The following PARP15 variants were observed in gnomAD, a reference collection of about 807,000 sequenced individuals.
The protein encoded by PARP15 is poly(ADP-ribose) polymerase family member 15.
A neutral mutation model predicts 62.1 loss-of-function variants in PARP15; 50 were observed. That is an observed-to-expected ratio of 0.81 (90% CI 0.64 to 1.02). The LOEUF (loss-of-function observed/expected upper bound fraction) is 1.02, where lower values mean the gene tolerates loss of function less well. Among genes scored for constraint, PARP15 ranks in the 50% least tolerant of loss-of-function variants. The pLI, the probability that PARP15 is intolerant of heterozygous loss-of-function variation, is 0.00. For missense variants in PARP15, 820 were observed against 826.5 expected (o/e 0.99, Z 0.10); for synonymous variants, 309 against 293.1 (o/e 1.05, Z -0.55).
In PARP15 at chr3:122,577,845, C is replaced by T. The variant is rs1329446282; in HGVS notation, c.178C>T (p.Arg60Trp). 1 of 1,548,488 alleles carries T rather than the reference C, an allele frequency of 6.5e-7. No individual in the cohort carries two copies. Among genetic ancestry groups the T allele is most frequent in the Non-Finnish European group, 8.7e-7 (1 of 1,145,298 alleles). ...GAAGGCCTCCCGGCGCTCTTCCTCC[C>T]GGAGTATGGTGAGGAGCGCGGGGGA... Reference protein sequence around the residue: ...ARKASRRSSSRSMSRDNKFSK... With the variant: ...ARKASRRSSSWSMSRDNKFSK... Residue 60 changes from arginine to tryptophan, a missense_variant, in exon 1 of 12, where the codon CGG becomes TGG. This residue lies in a region of PARP15 where 731 missense variants were observed against 727.7 expected (regional missense o/e 1.00). Coordinates refer to ENST00000464300, the MANE Select transcript of PARP15 (RefSeq NM_001113523.3).
chr3:122,623,432 G>A (rs1257723511), intron 8 of PARP15, among the ~76,000 whole-genome samples: 1 of 152,180 alleles, frequency 6.6e-6, no homozygotes, highest in Non-Finnish European at 1.5e-5. Context: ...AGTGGGAAGG[G>A]TTGCAACTGG....
At chr3:122,611,743 T>C (rs1283831659) in intron 3 of PARP15, among the ~76,000 whole-genome samples, 1 of 152,036 alleles carries the variant, frequency 6.6e-6, no homozygotes, top group East Asian at 1.9e-4. Flanking sequence ...AGATGGAGTT[T>C]TGCTCTTGTT....
intron 9 of PARP15, among the ~76,000 whole-genome samples, chr3:122,628,989 T>C (rs1483549033): frequency 6.6e-6 from 1 of 152,226 alleles, no homozygotes; most frequent in Non-Finnish European, 1.5e-5. Context: ...AAGCTATTTA[T>C]TGAGTCCAGA....
At chr3:122,634,951 T>A in intron 10 of PARP15, 69 bp from the exon 11 acceptor site, 2 of 1,444,464 alleles carry the variant, frequency 1.4e-6, no homozygotes, top group Non-Finnish European at 1.9e-6. Context: ...TTATTTTAAA[T>A]CCACAACAAG....
chr3:122,627,159 A>G (rs1236838311), intron 9 of PARP15, 126 bp downstream of exon 9: 3 of 813,236 alleles, frequency 3.7e-6, no homozygotes, highest in South Asian at 1.9e-5. Context: ...ACAACTTCTT[A>G]TGATCCATGG....
chr3:122,615,663 A>C, intron 4 of PARP15, 116 bp from the exon 5 acceptor site: 5 of 1,570,854 alleles, frequency 3.2e-6, no homozygotes, highest in Non-Finnish European at 4.3e-6. Flanking sequence ...GGGAAGAGGA[A>C]ATATTTTGAG....
At chr3:122,616,487 A>C (rs1935982569) in intron 5 of PARP15, among the ~76,000 whole-genome samples, 1 of 151,814 alleles carries the variant, frequency 6.6e-6, no homozygotes, top group Non-Finnish European at 1.5e-5. Context: ...GCACCACCAC[A>C]CCCAGCTAAT....
chr3:122,580,887 A>G (rs1172424241), intron 1 of PARP15, among the ~76,000 whole-genome samples: 1 of 152,146 alleles, frequency 6.6e-6, no homozygotes, highest in Non-Finnish European at 1.5e-5. Flanking sequence ...GACCATGTAA[A>G]CCATGCTGGT....
chr3:122,634,537 G>T (rs938758332), intron 10 of PARP15, among the ~76,000 whole-genome samples: 1 of 152,182 alleles, frequency 6.6e-6, no homozygotes, highest in Non-Finnish European at 1.5e-5. Context: ...GAAAAAAATA[G>T]TCATAAGATT....
rs114286149 is a variant in PARP15 at position 122,602,263 on chromosome 3, A to G, written c.187-3673A>G. Among the ~76,000 whole-genome samples the G allele has an allele frequency of 3.3e-3, 497 of 152,192 alleles. 1 individual carries two copies. Among genetic ancestry groups the G allele is most frequent in the African/African-American group, 0.012 (478 of 41,504 alleles). On this transcript the variant is annotated intron_variant, in intron 1 of 11. Transcript: ENST00000464300. ...GGAGACTGAAGGGTGCCTCTCCCAGAGGTGCCTGGGAGTTGACATTCATCT... is the reference window on the plus strand; with the variant it reads ...GGAGACTGAAGGGTGCCTCTCCCAGGGGTGCCTGGGAGTTGACATTCATCT...
At chr3:122,629,128 AAGACTGGGGGC>A in intron 9 of PARP15, among the ~76,000 whole-genome samples, 1 of 152,204 alleles carries the variant, frequency 6.6e-6, no homozygotes, top group East Asian at 1.9e-4. Flanking sequence ...TGAGGAGAGG[AAGACTGGGGGC>A]AGAACCAGGG....
intron 9 of PARP15, among the ~76,000 whole-genome samples, chr3:122,627,895 C>T (rs753202885): frequency 2.6e-5 from 4 of 152,200 alleles, no homozygotes; most frequent in African/African-American, 4.8e-5. Context: ...AAAGTTCTTG[C>T]AGTAGCAAAT....
intron 5 of PARP15, among the ~76,000 whole-genome samples, chr3:122,616,368 C>T (rs553506373): frequency 3.7e-5 from 5 of 136,230 alleles, no homozygotes; most frequent in Non-Finnish European, 6.1e-5. Flanking sequence ...CTTGCTCTGT[C>T]ACCCAGGATG....
chr3:122,621,394 C>T (rs1274842935), intron 7 of PARP15, 50 bp from the exon 8 acceptor site: 22 of 1,529,996 alleles, frequency 1.4e-5, no homozygotes, highest in Non-Finnish European at 1.8e-5. Flanking sequence ...CAAAGTGTTG[C>T]CTCCAGTAAT....
intron 8 of PARP15, among the ~76,000 whole-genome samples, 159 bp from the exon 9 acceptor site, chr3:122,626,668 T>C (rs1354568820): frequency 2.6e-5 from 4 of 152,228 alleles, no homozygotes; most frequent in Non-Finnish European, 4.4e-5. Context: ...ATGAAATTGT[T>C]TGTATTCAGC....
chr3:122,577,802 C>G lies in PARP15; in HGVS notation c.135C>G (p.Ala45=). 2 of 1,550,854 alleles carry G rather than the reference C, an allele frequency of 1.3e-6. No homozygotes were observed. The highest frequency in any genetic ancestry group is 1.7e-6 in the Non-Finnish European group (2 of 1,146,608). The change falls in exon 1 of 12, where the codon GCC becomes GCG. Residue 45 remains alanine, a synonymous_variant. Transcript: ENST00000464300. The stretch of plus-strand genomic sequence containing the variant: ...GGGAGGCGGGGAGCGTGCTGCCGGC[C>G]GGGAACCGTGGGGCGCGGAAGGCCT... ...RDREAGSVLP[A]GNRGARKASR...
intron 8 of PARP15, among the ~76,000 whole-genome samples, chr3:122,625,186 T>C (rs1936628227): frequency 6.6e-6 from 1 of 152,192 alleles, no homozygotes; most frequent in Admixed American, 6.5e-5. Flanking sequence ...TATGTTGAAG[T>C]CCTAACCCTG....
chr3:122,590,970 G>A (rs1933864909), intron 1 of PARP15, among the ~76,000 whole-genome samples: 1 of 152,082 alleles, frequency 6.6e-6, no homozygotes, highest in Non-Finnish European at 1.5e-5. Context: ...TATCATGTTT[G>A]TTACTTTTTT....
intron 1 of PARP15, among the ~76,000 whole-genome samples, chr3:122,604,353 T>G (rs972615246): frequency 1.3e-5 from 2 of 152,230 alleles, no homozygotes; most frequent in Non-Finnish European, 2.9e-5. Flanking sequence ...CTCAGGGATG[T>G]GTCTTAGGTT....
Sources: gnomAD v4.1 joint callset for allele counts (sites outside exome capture counted in the v4.1 genomes callset) on GRCh38, gnomAD v4.1.1 for gene constraint, gnomAD v4.1.1 regional missense constraint, MANE v1.5 for transcripts, NCBI Gene and HGNC (gene_info 2026-07-23, HGNC 2026-07-21) for gene names.